The following DTD1 variants were observed in gnomAD, a reference collection of about 807,000 sequenced individuals.
DTD1 encodes D-tyrosyl-tRNA deacylase 1 homolog.
DTD1 carries 13 observed loss-of-function variants against 25.6 expected under a neutral mutation model. The ratio of observed to expected loss-of-function variants is 0.51; its 90% CI spans 0.33 to 0.81. The LOEUF is 0.81. Among genes scored for constraint, DTD1 ranks in the 30% least tolerant of loss-of-function variants. DTD1 has a pLI of 0.02. For synonymous variants in DTD1, 110 were observed against 103.6 expected (o/e 1.06, Z -0.37); for missense variants, 193 against 266.4 (o/e 0.72, Z 1.92).
chr20:18,607,118 T>C (rs1366076094), intron 3 of DTD1, among the ~76,000 whole-genome samples: 1 of 152,204 alleles, frequency 6.6e-6, no homozygotes, highest in Non-Finnish European at 1.5e-5. Context: ...TCATGGTGTA[T>C]AATTCTTTTT....
At chr20:18,592,755 T>C (rs1210848056) in intron 1 of DTD1, 1 of 151,072 alleles carries the variant, frequency 6.6e-6, no homozygotes, top group African/African-American at 2.4e-5. Flanking sequence ...TGATCTTGGA[T>C]CACTGCAATC....
At chr20:18,655,173 G>A (rs1474736122) in intron 4 of DTD1, among the ~76,000 whole-genome samples, 1 of 152,204 alleles carries the variant, frequency 6.6e-6, no homozygotes, top group Non-Finnish European at 1.5e-5. Context: ...AGGAAATGAG[G>A]TCTGGTGGGA....
chr20:18,588,382 C>T (rs1169425125), intron 1 of DTD1, among the ~76,000 whole-genome samples: 17 of 152,174 alleles, frequency 1.1e-4, no homozygotes, highest in Non-Finnish European at 1.9e-4. Flanking sequence ...AGGACCAGCG[C>T]GCCTCATTCT....
intron 3 of DTD1, among the ~76,000 whole-genome samples, chr20:18,622,693 G>A (rs548276111): frequency 6.6e-6 from 1 of 152,288 alleles, no homozygotes; most frequent in African/African-American, 2.4e-5. Context: ...TCTAATTTTA[G>A]TGTAAGGGTG....
intron 5 of DTD1, among the ~76,000 whole-genome samples, chr20:18,761,138 C>G (rs2061360781): frequency 6.6e-6 from 1 of 152,202 alleles, no homozygotes. Context: ...TCTATCACCC[C>G]TTTCCTTGGC....
At chr20:18,681,665 C>T (rs2060997386) in intron 4 of DTD1, among the ~76,000 whole-genome samples, 2 of 152,092 alleles carry the variant, frequency 1.3e-5, no homozygotes, top group Non-Finnish European at 2.9e-5. Context: ...ACTCTAAATC[C>T]AGGGAAGTTA....
At chr20:18,650,982 G>T (rs577964236) in intron 4 of DTD1, among the ~76,000 whole-genome samples, 2 of 152,324 alleles carry the variant, frequency 1.3e-5, no homozygotes, top group Admixed American at 6.5e-5. Context: ...AACAGATGGT[G>T]CTGGCAGAGC....
chr20:18,708,547 G>T (rs571412023), intron 4 of DTD1, among the ~76,000 whole-genome samples: 1 of 149,594 alleles, frequency 6.7e-6, no homozygotes, highest in African/African-American at 2.5e-5. Flanking sequence ...GTAGAGATGG[G>T]GTTTCACCGT....
In DTD1 at chr20:18,762,755, C is replaced by A. The variant is rs1111690; in HGVS notation, c.*20-605C>A. 2.5e-3 allele frequency among the ~76,000 whole-genome samples: 379 copies of A among 152,172 alleles called. 4 individuals are homozygous for A. In the East Asian group the frequency reaches 0.029, roughly 12 times the overall value. On this transcript the variant is annotated intron_variant, in intron 5 of 5. Coordinates refer to ENST00000377452, the MANE Select transcript of DTD1 (RefSeq NM_080820.6). ...TTCTCTCTTTTCTGGGTAAGTCTGA[C>A]CAGAGACTTATCTATTTTATTGATC...
intron 4 of DTD1, among the ~76,000 whole-genome samples, chr20:18,740,310 T>G (rs1022844491): frequency 1.3e-5 from 2 of 148,326 alleles, no homozygotes; most frequent in East Asian, 2.0e-4. Flanking sequence ...TCACATTTTG[T>G]TTTTTTTTTG....
rs941931634 is a variant in DTD1, at chr20:18,667,544, G to A, written c.477+39311G>A. Among the ~76,000 whole-genome samples, 15 of 149,912 alleles carry A rather than the reference G, an allele frequency of 1.0e-4. No individual in the cohort carries two copies. In the South Asian group the frequency reaches 1.1e-3, roughly 11 times the overall value. ...AAAGAAGGATGGCACATGAGAGGGC[G>A]TGTGTCCCTTGAAGGGAAGGTCCCC... On this transcript the variant is annotated intron_variant, in intron 4 of 5. Coordinates refer to ENST00000377452, the MANE Select transcript of DTD1 (RefSeq NM_080820.6).
chr20:18,743,673 C>CAAAAAAAAAAAAAAAAA (rs11474877), intron 4 of DTD1, among the ~76,000 whole-genome samples: 15 of 105,092 alleles, frequency 1.4e-4, no homozygotes, highest in African/African-American at 3.9e-4. Context: ...GACCCTGTCT[C>CAAAAAAAAAAAAAAAAA]AAAAAAAAAA....
chr20:18,588,072 C>T lies in DTD1; in HGVS notation c.-1C>T, dbSNP rs1423318208. Reference sequence around the variant, plus strand: ...CCGCCCCACTCGCCCCAGCCGCCGCCATGAAGGCCGTGGTGCAGCGCGTCA... The same window carrying T: ...CCGCCCCACTCGCCCCAGCCGCCGCTATGAAGGCCGTGGTGCAGCGCGTCA... On this transcript the variant is annotated 5_prime_UTR_variant, in exon 1 of 6. Transcript: ENST00000377452. 5.0e-6 allele frequency: 7 copies of T among 1,394,372 alleles called. No homozygotes were observed. The South Asian group carries it at 1.1e-4, about 21-fold the overall frequency. The allele number at this position is 1,394,372 out of a possible 1,614,324, so 86.4% of individuals were successfully genotyped here.
intron 4 of DTD1, among the ~76,000 whole-genome samples, chr20:18,722,555 C>T (rs894018901): frequency 5.3e-5 from 8 of 152,176 alleles, no homozygotes; most frequent in African/African-American, 1.9e-4. Flanking sequence ...ATGTTAGGTT[C>T]ATTTGGCTTA....
Position 18,628,168 on chromosome 20 carries a change from G to A in DTD1, c.412G>A (p.Asp138Asn). ...CTACATGCAGGTGCACATTCAGAAT[G>A]ATGGGCCTGTGACCATAGAGCTGGA... ...GAYMQVHIQN[D>N]GPVTIELESP... Residue 138 changes from aspartate to asparagine, a missense_variant, in exon 4 of 6, where the codon GAT (aspartate) becomes AAT (asparagine). Coordinates refer to ENST00000377452, the MANE Select transcript of DTD1 (RefSeq NM_080820.6). 6.2e-7 allele frequency: 1 copy of A among 1,613,968 alleles called. No individual in the cohort carries two copies. The highest frequency in any genetic ancestry group is 8.5e-7 in the Non-Finnish European group (1 of 1,179,890).
At chr20:18,625,677 C>T (rs1397290413) in intron 3 of DTD1, among the ~76,000 whole-genome samples, 2 of 152,204 alleles carry the variant, frequency 1.3e-5, no homozygotes, top group African/African-American at 4.8e-5. Context: ...CCCTCAATGC[C>T]ACTGATTTGC....
chr20:18,595,824 G>A (rs988241816), intron 2 of DTD1, among the ~76,000 whole-genome samples, 182 bp from the exon 3 acceptor site: 3 of 152,124 alleles, frequency 2.0e-5, no homozygotes, highest in Non-Finnish European at 2.9e-5. Flanking sequence ...ATTCTGTATC[G>A]CAGCTGAGGA....
chr20:18,654,693 G>C (rs1264380123), intron 4 of DTD1, among the ~76,000 whole-genome samples: 1 of 152,084 alleles, frequency 6.6e-6, no homozygotes. Context: ...AGAGCTCTGG[G>C]AGTCACACTG....
chr20:18,595,349 C>T (rs1408017486), intron 2 of DTD1, among the ~76,000 whole-genome samples: 5 of 152,068 alleles, frequency 3.3e-5, no homozygotes, highest in Non-Finnish European at 7.4e-5. Context: ...TTACTGCAAT[C>T]TCTGCCTCCC....
Sources: allele counts gnomAD v4.1 joint callset (sites outside exome capture counted in the v4.1 genomes callset), GRCh38; gene constraint gnomAD v4.1.1; transcripts MANE v1.5; gene names NCBI Gene and HGNC (gene_info 2026-07-23, HGNC 2026-07-21).